Variants in ZC3H12B observed in about 807,000 individuals in gnomAD.
The protein encoded by ZC3H12B is probable ribonuclease ZC3H12B.
A neutral mutation model predicts 43.9 loss-of-function variants in ZC3H12B; 7 were observed. The ratio of observed to expected loss-of-function variants is 0.16; its 90% confidence interval spans 0.09 to 0.30. The LOEUF (loss-of-function observed/expected upper bound fraction) is 0.30. ZC3H12B is among the 10% of genes least tolerant of loss of function. The pLI, the probability that ZC3H12B is intolerant of heterozygous loss-of-function variation, is 1.00. For missense variants in ZC3H12B, 475 were observed against 670.2 expected (o/e 0.71, Z 3.22); for synonymous variants, 222 against 241.7 (o/e 0.92, Z 0.76).
chrX:65,445,180 A>T (rs2067359262), intron 3 of ZC3H12B, among the ~76,000 whole-genome samples: 1 of 112,388 alleles, frequency 8.9e-6, no homozygotes, highest in Non-Finnish European at 1.9e-5. Flanking sequence ...GAAAGACCAC[A>T]TATCTGTATC....
the ZC3H12B span, among the ~76,000 whole-genome samples, chrX:65,156,001 A>T: frequency 9.0e-6 from 1 of 111,237 alleles, no homozygotes; most frequent in Non-Finnish European, 1.9e-5. Context: ...CTACTAGATC[A>T]TTTTAAAAAT....
chrX:65,054,431 T>G, the ZC3H12B span, among the ~76,000 whole-genome samples: 1 of 110,664 alleles, frequency 9.0e-6, no homozygotes, highest in Non-Finnish European at 1.9e-5. Flanking sequence ...ATATGTGGCA[T>G]TATTTCTGAG....
At chrX:65,155,222 T>C in the ZC3H12B span, among the ~76,000 whole-genome samples, 1 of 110,710 alleles carries the variant, frequency 9.0e-6, no homozygotes, top group South Asian at 3.9e-4. Flanking sequence ...CCTCCCAAAA[T>C]GCTAGGATTA....
chrX:65,087,971 G>A, the ZC3H12B span, among the ~76,000 whole-genome samples: 3 of 111,932 alleles, frequency 2.7e-5, no homozygotes, highest in African/African-American at 9.7e-5. Flanking sequence ...ATAGTAAGGA[G>A]AAGTACTATT....
At chrX:65,162,094 C>T in the ZC3H12B span, among the ~76,000 whole-genome samples, 1 of 111,118 alleles carries the variant, frequency 9.0e-6, no homozygotes, top group African/African-American at 3.3e-5. Flanking sequence ...GAGTATTGGC[C>T]CCCACTCTCT....
the ZC3H12B span, among the ~76,000 whole-genome samples, chrX:65,190,330 T>G: frequency 1.8e-5 from 2 of 111,304 alleles, no homozygotes; most frequent in African/African-American, 6.6e-5. Flanking sequence ...TCTAATTCTG[T>G]GAAGAAAGTC....
chrX:65,209,762 C>T, the ZC3H12B span, among the ~76,000 whole-genome samples: 2 of 105,604 alleles, frequency 1.9e-5, no homozygotes, highest in African/African-American at 3.6e-5. Context: ...GAAATAATGC[C>T]ACATATCTAC....
chrX:65,444,258 T>C (rs7059365), intron 3 of ZC3H12B, among the ~76,000 whole-genome samples: 61 of 112,180 alleles, frequency 5.4e-4, no homozygotes, highest in African/African-American at 1.9e-3. Context: ...TCACACTGAG[T>C]TTAAAAGCAA....
chrX:65,171,312 G>A, the ZC3H12B span, among the ~76,000 whole-genome samples: 1 of 111,417 alleles, frequency 9.0e-6, no homozygotes, highest in Admixed American at 9.6e-5. Context: ...GTCCACTCCA[G>A]ACCCTGTTTT....
At chrX:65,109,367 C>T in the ZC3H12B span, among the ~76,000 whole-genome samples, 1 of 111,707 alleles carries the variant, frequency 9.0e-6, no homozygotes, top group African/African-American at 3.2e-5. Flanking sequence ...CGCATTTCCT[C>T]CAGCCCAAGG....
At chrX:65,414,112 C>A (rs1490869883) in intron 3 of ZC3H12B, among the ~76,000 whole-genome samples, 1 of 111,398 alleles carries the variant, frequency 9.0e-6, no homozygotes, top group Non-Finnish European at 1.9e-5. Flanking sequence ...GCTATTGGAT[C>A]TGATTTGCTA....
At chrX:65,296,205 G>A in the ZC3H12B span, among the ~76,000 whole-genome samples, 1 of 111,714 alleles carries the variant, frequency 9.0e-6, no homozygotes, top group East Asian at 2.8e-4. Context: ...AATGGCATTT[G>A]CAGCAACCTG....
chrX:65,495,659 A>G (rs1017449726), intron 1 of ZC3H12B, among the ~76,000 whole-genome samples: 1 of 112,195 alleles, frequency 8.9e-6, no homozygotes, highest in Non-Finnish European at 1.9e-5. Flanking sequence ...AGCACTAGAT[A>G]CCATGCTAAG....
intron 2 of ZC3H12B, among the ~76,000 whole-genome samples, chrX:65,378,779 G>T (rs949501269): frequency 8.9e-6 from 1 of 112,818 alleles, no homozygotes; most frequent in African/African-American, 3.2e-5. Flanking sequence ...GCAGGGTGAG[G>T]CATTGCCTCA....
the ZC3H12B span, among the ~76,000 whole-genome samples, chrX:65,067,747 T>C: frequency 9.0e-6 from 1 of 111,530 alleles, no homozygotes; most frequent in Non-Finnish European, 1.9e-5. Flanking sequence ...ATTTCTGCTC[T>C]GATCTTCATT....
chrX:65,226,474 T>C, the ZC3H12B span, among the ~76,000 whole-genome samples: 2 of 111,510 alleles, frequency 1.8e-5, no homozygotes, highest in Admixed American at 1.9e-4. Flanking sequence ...CTGCGTCAAC[T>C]AATGAGCAAA....
the ZC3H12B span, among the ~76,000 whole-genome samples, chrX:65,249,084 A>G: frequency 9.0e-6 from 1 of 111,625 alleles, no homozygotes; most frequent in Non-Finnish European, 1.9e-5. Context: ...CTTTAGATTA[A>G]TTAAGTCCTA....
At chrX:65,137,959 G>T in the ZC3H12B span, among the ~76,000 whole-genome samples, 1 of 111,851 alleles carries the variant, frequency 8.9e-6, no homozygotes, top group Non-Finnish European at 1.9e-5. Flanking sequence ...CCCCCGAGTA[G>T]CTGGGATTGC....
intron 3 of ZC3H12B, among the ~76,000 whole-genome samples, chrX:65,433,366 A>G (rs755964368): frequency 1.8e-5 from 2 of 112,018 alleles, no homozygotes; most frequent in Non-Finnish European, 3.8e-5. Flanking sequence ...GTTTACTATT[A>G]TCATGGGTAG....
Sources: gnomAD v4.1 joint callset for allele counts (sites outside exome capture counted in the v4.1 genomes callset) on GRCh38, gnomAD v4.1.1 for gene constraint, MANE v1.5 for transcripts, NCBI Gene and HGNC (gene_info 2026-07-23, HGNC 2026-07-21) for gene names.